EFNB2: variants seen among roughly 807,000 people sequenced by gnomAD.
EFNB2 encodes the protein ephrin-B2.
EFNB2 carries 5 observed loss-of-function variants against 32.1 expected under a neutral mutation model. That is an observed-to-expected ratio of 0.16 (90% CI 0.08 to 0.33). EFNB2 has a LOEUF of 0.33. EFNB2 is among the 10% of genes least tolerant of loss of function. The pLI is 1.00. For missense variants in EFNB2, 263 were observed against 422.6 expected (o/e 0.62, Z 3.31); for synonymous variants, 168 against 166.5 (o/e 1.01, Z -0.07).
intron 1 of EFNB2, among the ~76,000 whole-genome samples, chr13:106,524,045 T>C (rs1436889918): frequency 2.0e-5 from 3 of 152,232 alleles, no homozygotes; most frequent in Admixed American, 2.0e-4. Context: ...ATGACTATTA[T>C]GTATTGTAAT....
chr13:106,512,396 G>T (rs1285820476), intron 2 of EFNB2, 133 bp downstream of exon 2: 7 of 585,592 alleles, frequency 1.2e-5, no homozygotes, highest in Middle Eastern at 1.0e-3. Context: ...AAAAAAAGGG[G>T]GGGGGGACAA....
intron 2 of EFNB2, chr13:106,506,821 A>G (rs946759076): frequency 1.3e-5 from 2 of 152,236 alleles, no homozygotes; most frequent in African/African-American, 4.8e-5. Context: ...AACCCTGTGA[A>G]GCAGGTGCTG....
chr13:106,505,015 A>T (rs548266257), intron 2 of EFNB2, among the ~76,000 whole-genome samples: 2 of 152,292 alleles, frequency 1.3e-5, no homozygotes, highest in Non-Finnish European at 2.9e-5. Flanking sequence ...TGCCACTATA[A>T]CCACCTTTTC....
chr13:106,512,304 G>GC (rs1555324647), intron 2 of EFNB2, among the ~76,000 whole-genome samples: 15 of 140,362 alleles, frequency 1.1e-4, no homozygotes, highest in Admixed American at 5.9e-4. Context: ...GAATTCTAGT[G>GC]TTTTTTTTTC....
At chr13:106,506,872 AG>A (rs1390606524) in intron 2 of EFNB2, among the ~76,000 whole-genome samples, 1 of 152,210 alleles carries the variant, frequency 6.6e-6, no homozygotes, top group East Asian at 1.9e-4. Flanking sequence ...TGAGGCAGAC[AG>A]GGGTTAAGTT....
intron 3 of EFNB2, among the ~76,000 whole-genome samples, chr13:106,495,508 AT>A (rs1475491540): frequency 3.7e-4 from 56 of 152,202 alleles, no homozygotes; most frequent in Non-Finnish European, 6.8e-4. Flanking sequence ...TTATCTATCT[AT>A]CTATCTATCT....
chr13:106,512,389 A>AG, intron 2 of EFNB2, 140 bp downstream of exon 2: 1 of 560,114 alleles, frequency 1.8e-6, no homozygotes, highest in South Asian at 5.3e-5. Context: ...TTGAAAAAAA[A>AG]AAAGGGGGGG....
At chr13:106,513,919 G>T (rs551407774) in intron 1 of EFNB2, among the ~76,000 whole-genome samples, 2 of 152,248 alleles carry the variant, frequency 1.3e-5, no homozygotes, top group South Asian at 2.1e-4. Context: ...ATAAAGCAAG[G>T]ATGATAGGGC....
At position 106,492,884 on chromosome 13, in the gene EFNB2, C is replaced by A; in HGVS notation, c.*156G>T. 1.0e-6 allele frequency: 1 copy of A among 957,044 alleles called. No individual in the cohort carries two copies. Among genetic ancestry groups the A allele is most frequent in the Non-Finnish European group, 1.5e-6 (1 of 659,936 alleles). The allele number at this position is 957,044 out of a possible 1,614,324, so 59.3% of individuals were successfully genotyped here. On this transcript the variant is annotated 3_prime_UTR_variant, in exon 5 of 5. Coordinates refer to ENST00000646441, the MANE Select transcript of EFNB2 (RefSeq NM_004093.4). This position sits in a 1 kb window ranked among gnomAD's most constrained non-coding sequence, Gnocchi z 5.1. ...GCCGAATGCTACAAGACTAGGTAAG[C>A]TGTCCAGCGCGACGGGCTCTTCCGA...
chr13:106,531,809 A>C (rs1879880714), intron 1 of EFNB2, among the ~76,000 whole-genome samples: 1 of 152,234 alleles, frequency 6.6e-6, no homozygotes, highest in East Asian at 1.9e-4. Context: ...TTAACTAACT[A>C]GTATGTGATG....
rs1202036952 is a variant in EFNB2, at chr13:106,518,023, A to G, written c.123-5211T>C. On this transcript the variant is annotated intron_variant, in intron 1 of 4. Coordinates refer to ENST00000646441, the MANE Select transcript of EFNB2 (RefSeq NM_004093.4). This position sits in a 1 kb window ranked among gnomAD's most constrained non-coding sequence, Gnocchi z 4.1. ...ATTTAGACATTTCAACTTCACAGTC[A>G]TAATTGTAAAAACTTTAAAAAATAG... 6.6e-6 allele frequency: 1 copy of G among 152,238 alleles called. No individual in the cohort carries two copies. Among genetic ancestry groups the G allele is most frequent in the Non-Finnish European group, 1.5e-5 (1 of 68,032 alleles). 9.4% of individuals were successfully genotyped at this position (152,238 alleles called of 1,614,324 possible).
Position 106,512,548 on chromosome 13 carries a change from G to C in EFNB2, c.387C>G (p.Asn129Lys). The C allele has an allele frequency of 6.2e-7, 1 of 1,603,844 alleles. No homozygotes were observed. Among genetic ancestry groups the C allele is most frequent in the South Asian group, 1.1e-5 (1 of 89,498 alleles). ...ACTTACATATAATGTAATAATCTTT[G>C]TTCTTCTGAAATTCTAGACCCCAGA... The part of the protein sequence containing the change: ...PNLWGLEFQK[N>K]KDYYIISTSN... Residue 129 changes from asparagine (N) to lysine (K), a missense_variant, in exon 2 of 5, where the codon AAC becomes AAG. Asn to Lys is a moderately conservative substitution (Grantham distance 94, BLOSUM62 0). Around this residue, in one of 3 missense-constraint regions of EFNB2, gnomAD observed 45 missense variants for 128.6 expected, o/e 0.35. Coordinates refer to ENST00000646441, the MANE Select transcript of EFNB2 (RefSeq NM_004093.4).
intron 2 of EFNB2, 94 bp from the exon 3 acceptor site, chr13:106,495,934 AT>A: frequency 2.4e-6 from 3 of 1,225,066 alleles, no homozygotes; most frequent in Non-Finnish European, 3.4e-6. Flanking sequence ...TCTGAAAACA[AT>A]TTGAAAAATA....
At chr13:106,504,902 A>T (rs1418381775) in intron 2 of EFNB2, among the ~76,000 whole-genome samples, 1 of 152,224 alleles carries the variant, frequency 6.6e-6, no homozygotes, top group Non-Finnish European at 1.5e-5. Flanking sequence ...AGGGGCTTAA[A>T]GTACTTGCTA....
At position 106,495,483 on chromosome 13, in the gene EFNB2, CTATCTATCTATCTAT is replaced by C. The variant is rs918569799; in HGVS notation, c.499+250_499+264del. ...TTTTTAAAAAGAAATATCTATCTAT[CTATCTATCTATCTAT>C]TATCTATCTATCTATCTATCTATCT... is the stretch of plus-strand genomic sequence containing the variant. On this transcript the variant is annotated intron_variant, in intron 3 of 4. Transcript: ENST00000646441. Among the ~76,000 whole-genome samples, 119 of 141,996 alleles carry C rather than the reference CTATCTATCTATCTAT, an allele frequency of 8.4e-4. 1 individual carries two copies. The highest frequency in any genetic ancestry group is 2.9e-3 in the African/African-American group (110 of 37,734). The allele number at this position is 141,996 out of a possible 152,430, so 93.2% of individuals were successfully genotyped here.
In EFNB2 at chr13:106,490,355, G is replaced by A. The variant is rs1878357198; in HGVS notation, c.*2685C>T. On this transcript the variant is annotated 3_prime_UTR_variant, in exon 5 of 5. Coordinates refer to ENST00000646441, the MANE Select transcript of EFNB2 (RefSeq NM_004093.4). ...GACCAGGGACGATCATACAAGCAAG[G>A]CATTTACAGTAACTTTCCAAAGCTA... 1 of 152,108 alleles carries A rather than the reference G, an allele frequency of 6.6e-6. No homozygotes were observed. The highest frequency in any genetic ancestry group is 1.5e-5 in the Non-Finnish European group (1 of 68,028). 9.4% of individuals were successfully genotyped at this position (152,108 alleles called of 1,614,324 possible).
At chr13:106,523,966 C>A (rs1879618394) in intron 1 of EFNB2, among the ~76,000 whole-genome samples, 1 of 152,266 alleles carries the variant, frequency 6.6e-6, no homozygotes, top group South Asian at 2.1e-4. Flanking sequence ...TTTCTCCCAA[C>A]AAGGAACAAT....
rs927660309 is a variant in EFNB2, at chr13:106,493,600, G to C, written c.614-172C>G. ...AAGAGCTCAACGCAAAAGGAAATGA[G>C]AGGTATCTCTAGGAGGGACTTCCCT... On this transcript the variant is annotated intron_variant, in intron 4 of 4. Transcript: ENST00000646441. This position sits in a 1 kb window ranked among gnomAD's most constrained non-coding sequence, Gnocchi z 6.1. Among the ~76,000 whole-genome samples, 2 of 152,120 alleles carry C rather than the reference G, an allele frequency of 1.3e-5. No homozygotes were observed. The highest frequency in any genetic ancestry group is 4.8e-5 in the African/African-American group (2 of 41,430).
chr13:106,494,451 A>G (rs1878523576), intron 4 of EFNB2, among the ~76,000 whole-genome samples: 1 of 152,246 alleles, frequency 6.6e-6, no homozygotes, highest in Non-Finnish European at 1.5e-5. Flanking sequence ...CTATTATGCA[A>G]TATTTAAAAA....
Sources: allele counts gnomAD v4.1 joint callset (sites outside exome capture counted in the v4.1 genomes callset), GRCh38; gene constraint gnomAD v4.1.1; regional missense constraint gnomAD v4.1.1; non-coding constraint Gnocchi (gnomAD v3.1); transcripts MANE v1.5; gene names NCBI Gene and HGNC (gene_info 2026-07-23, HGNC 2026-07-21).